PAPSS1: variants seen among roughly 807,000 people sequenced by gnomAD.
PAPSS1 encodes 3'-phosphoadenosine 5'-phosphosulfate synthase 1, also known as bifunctional 3'-phosphoadenosine 5'-phosphosulfate synthase 1.
PAPSS1 carries 50 observed loss-of-function variants against 72.0 expected under a neutral mutation model. That is an observed-to-expected ratio of 0.69 (90% CI 0.55 to 0.88). The LOEUF (loss-of-function observed/expected upper bound fraction) is 0.88, where lower values mean the gene tolerates loss of function less well. PAPSS1 is among the 40% of genes least tolerant of loss of function. The pLI, the probability that PAPSS1 is intolerant of heterozygous loss-of-function variation, is 0.00. For synonymous variants in PAPSS1, 261 were observed against 263.6 expected, an observed-to-expected ratio of 0.99 and a Z score of 0.09; for missense variants, 657 against 782.2, an observed-to-expected ratio of 0.84 and a Z score of 1.91.
At chr4:107,686,482 G>A (rs1332263052) in intron 4 of PAPSS1, among the ~76,000 whole-genome samples, 5 of 151,952 alleles carry the variant, frequency 3.3e-5, no homozygotes, top group South Asian at 2.1e-4. Context: ...TGCAATTCAC[G>A]GTTGGTTGAA....
intron 9 of PAPSS1, among the ~76,000 whole-genome samples, chr4:107,648,825 C>T (rs151081348): frequency 6.6e-6 from 1 of 152,218 alleles, no homozygotes; most frequent in East Asian, 1.9e-4. Flanking sequence ...AGTTTGATCT[C>T]CCCTCCTCCC....
chr4:107,699,267 CAA>C (rs568207137), intron 2 of PAPSS1, among the ~76,000 whole-genome samples: 4 of 134,874 alleles, frequency 3.0e-5, no homozygotes, highest in Admixed American at 7.4e-5. Context: ...CACTAAGAGC[CAA>C]AAAAAAAAAG....
intron 4 of PAPSS1, among the ~76,000 whole-genome samples, chr4:107,685,717 T>C (rs1722766153): frequency 6.6e-6 from 1 of 152,218 alleles, no homozygotes; most frequent in African/African-American, 2.4e-5. Context: ...CTAATGCTAC[T>C]ACAGCAGATG....
intron 8 of PAPSS1, among the ~76,000 whole-genome samples, chr4:107,654,245 A>G (rs1726934880): frequency 6.6e-6 from 1 of 152,184 alleles, no homozygotes; most frequent in Non-Finnish European, 1.5e-5. Context: ...CTTCAATAAC[A>G]TTCCACATAC....
intron 5 of PAPSS1, among the ~76,000 whole-genome samples, chr4:107,668,081 A>G (rs999440199): frequency 6.6e-6 from 1 of 152,234 alleles, no homozygotes; most frequent in Non-Finnish European, 1.5e-5. Context: ...GAAAAGATTC[A>G]TATTTCAGAA....
intron 1 of PAPSS1, among the ~76,000 whole-genome samples, chr4:107,717,916 C>T (rs1468155678): frequency 6.6e-6 from 1 of 152,174 alleles, no homozygotes; most frequent in Non-Finnish European, 1.5e-5. Context: ...TGCCACCTTA[C>T]CCCAGCCCTT....
rs11555779 is a variant in PAPSS1 at position 107,693,842 on chromosome 4, C to T, written c.340G>A (p.Ala114Thr). The stretch of plus-strand genomic sequence containing the variant: ...TCTGCAAACAGTTTAGCAACTTCTG[C>T]GATGCGTCGAACATTCTCTTCTCTG... ...EDREENVRRI[A>T]EVAKLFADAG... Residue 114 changes from alanine (A) to threonine (T), a missense_variant, in exon 3 of 12, where the codon GCA (alanine) becomes ACA (threonine). Coordinates refer to ENST00000265174, the MANE Select transcript of PAPSS1 (RefSeq NM_005443.5). 6.8e-6 allele frequency: 11 copies of T among 1,613,902 alleles called. No homozygotes were observed. Among genetic ancestry groups the T allele is most frequent in the Admixed American group, 5.0e-5 (3 of 59,972 alleles).
intron 9 of PAPSS1, among the ~76,000 whole-genome samples, chr4:107,647,002 C>T (rs1378563586): frequency 1.3e-5 from 2 of 152,258 alleles, no homozygotes; most frequent in East Asian, 3.9e-4. Flanking sequence ...CAAGATCTGT[C>T]TTCAAATAGG....
intron 5 of PAPSS1, among the ~76,000 whole-genome samples, chr4:107,680,021 A>T (rs1727761108): frequency 6.6e-6 from 1 of 152,178 alleles, no homozygotes; most frequent in Non-Finnish European, 1.5e-5. Context: ...AAATTATCAA[A>T]GCTAAAATGT....
At chr4:107,639,562 T>A (rs1478962927) in intron 10 of PAPSS1, among the ~76,000 whole-genome samples, 2 of 152,188 alleles carry the variant, frequency 1.3e-5, no homozygotes, top group African/African-American at 2.4e-5. Flanking sequence ...AAGTAATACA[T>A]AATCCTAAGG....
At chr4:107,715,150 C>T (rs991969335) in intron 1 of PAPSS1, among the ~76,000 whole-genome samples, 22 of 152,164 alleles carry the variant, frequency 1.4e-4, no homozygotes, top group African/African-American at 3.6e-4. Context: ...TAACCACATA[C>T]GCAGCTCTTG....
At chr4:107,690,162 T>C (rs1023812223) in intron 3 of PAPSS1, among the ~76,000 whole-genome samples, 3 of 152,200 alleles carry the variant, frequency 2.0e-5, no homozygotes, top group African/African-American at 7.2e-5. Context: ...AACCCAATGA[T>C]ACCAATCTCT....
chr4:107,679,189 C>A (rs992823533), intron 5 of PAPSS1, among the ~76,000 whole-genome samples: 6 of 152,044 alleles, frequency 3.9e-5, no homozygotes, highest in Non-Finnish European at 8.8e-5. Flanking sequence ...AGAATCATCA[C>A]CACTTCGCAG....
intron 11 of PAPSS1, among the ~76,000 whole-genome samples, chr4:107,622,761 T>G (rs919362667): frequency 2.0e-5 from 3 of 152,238 alleles, no homozygotes; most frequent in Non-Finnish European, 4.4e-5. Flanking sequence ...TACAGAAAAT[T>G]TAAATTGTAC....
At chr4:107,666,503 T>C (rs1727320019) in intron 5 of PAPSS1, among the ~76,000 whole-genome samples, 1 of 152,180 alleles carries the variant, frequency 6.6e-6, no homozygotes, top group Non-Finnish European at 1.5e-5. Flanking sequence ...TCTATCCTGA[T>C]TATATTACAT....
At chr4:107,699,779 A>C (rs1560589700) in intron 2 of PAPSS1, among the ~76,000 whole-genome samples, 1 of 152,222 alleles carries the variant, frequency 6.6e-6, no homozygotes, top group Admixed American at 6.5e-5. Flanking sequence ...TTAAAATTCC[A>C]AGACCAAGAA....
intron 10 of PAPSS1, among the ~76,000 whole-genome samples, chr4:107,643,908 C>A: frequency 6.6e-6 from 1 of 151,942 alleles, no homozygotes; most frequent in Admixed American, 6.6e-5. Flanking sequence ...GAAAATAAGA[C>A]AAATTAGGAA....
At chr4:107,624,221 T>A (rs1472960534) in intron 11 of PAPSS1, among the ~76,000 whole-genome samples, 7 of 152,120 alleles carry the variant, frequency 4.6e-5, no homozygotes, top group Admixed American at 4.6e-4. Context: ...ATCAAAGGAG[T>A]GCTGACTCAT....
Position 107,615,709 on chromosome 4 carries a change from A to T in PAPSS1, c.1737-1322T>A, listed in dbSNP as rs541258523. 1.9e-4 allele frequency among the ~76,000 whole-genome samples: 29 copies of T among 152,314 alleles called. No homozygotes were observed. The South Asian group carries it at 4.1e-3, about 22-fold the overall frequency. On this transcript the variant is annotated intron_variant, in intron 11 of 11. Transcript: ENST00000265174. Reference sequence around the variant, plus strand: ...ATGCTCATGATGTGATTAATGATAAATAAAATAACCAGGACACAAAACTAT... The same window carrying T: ...ATGCTCATGATGTGATTAATGATAATTAAAATAACCAGGACACAAAACTAT...
Sources: allele counts gnomAD v4.1 joint callset (sites outside exome capture counted in the v4.1 genomes callset), GRCh38; gene constraint gnomAD v4.1.1; transcripts MANE v1.5; gene names NCBI Gene and HGNC (gene_info 2026-07-23, HGNC 2026-07-21).